The following WDR70 variants were observed in gnomAD, a reference collection of about 807,000 sequenced individuals.
The protein encoded by WDR70 is WD repeat-containing protein 70.
In WDR70, 53 loss-of-function variants were observed where a neutral mutation model predicts 88.6. The observed-to-expected ratio is 0.60, with a 90% CI of 0.48 to 0.75. The LOEUF (loss-of-function observed/expected upper bound fraction) is 0.75, where lower values mean the gene tolerates loss of function less well. WDR70 is among the 30% of genes least tolerant of loss of function. The pLI, the probability that WDR70 is intolerant of heterozygous loss-of-function variation, is 0.00. For synonymous variants in WDR70, 280 were observed against 270.0 expected (o/e 1.04, Z -0.36); for missense variants, 610 against 823.2 (o/e 0.74, Z 3.17).
chr5:37,624,258 G>A (rs1744601876), intron 10 of WDR70, among the ~76,000 whole-genome samples: 1 of 151,948 alleles, frequency 6.6e-6, no homozygotes, highest in South Asian at 2.1e-4. Flanking sequence ...TTACTTCTAT[G>A]AGATCAACTG....
rs553767538 is a variant in WDR70, at chr5:37,386,526, C to T, written c.175+4841C>T. 1.1e-4 allele frequency among the ~76,000 whole-genome samples: 17 copies of T among 152,246 alleles called. No homozygotes were observed. The East Asian group carries it at 3.1e-3, about 28-fold the overall frequency. ...TATTTTTAGTAGAGACAGGGTTTCA[C>T]CATGTTGGCCAGGCTTATCTCAAAC... On this transcript the variant is annotated intron_variant, in intron 3 of 17. Coordinates refer to ENST00000265107, the MANE Select transcript of WDR70 (RefSeq NM_018034.4).
At chr5:37,740,602 G>A (rs1344980245) in intron 17 of WDR70, among the ~76,000 whole-genome samples, 2 of 152,112 alleles carry the variant, frequency 1.3e-5, no homozygotes, top group African/African-American at 4.8e-5. Context: ...AATTCCTTCT[G>A]TGGGCCATAC....
intron 9 of WDR70, among the ~76,000 whole-genome samples, chr5:37,548,255 A>G (rs1368031015): frequency 6.6e-6 from 1 of 152,164 alleles, no homozygotes; most frequent in Non-Finnish European, 1.5e-5. Context: ...ATGAATTTAC[A>G]TTCCCAACAT....
intron 9 of WDR70, among the ~76,000 whole-genome samples, chr5:37,551,378 CT>C (rs955230250): frequency 5.9e-5 from 9 of 151,932 alleles, no homozygotes; most frequent in Admixed American, 4.6e-4. Context: ...AGTCCCCTAG[CT>C]TTTTAACTTT....
chr5:37,545,518 ATTTTGTTTTTGTTTTTGT>A (rs1234982649), intron 9 of WDR70, among the ~76,000 whole-genome samples: 2 of 149,844 alleles, frequency 1.3e-5, no homozygotes, highest in Non-Finnish European at 3.0e-5. Flanking sequence ...TATTTATTTA[ATTTTGTTTTTGTTTTTGT>A]TTTTGTTTTT....
chr5:37,560,350 G>T (rs1742464090), intron 9 of WDR70, among the ~76,000 whole-genome samples: 1 of 151,936 alleles, frequency 6.6e-6, no homozygotes, highest in Non-Finnish European at 1.5e-5. Flanking sequence ...TGACCTGTTG[G>T]TCCATATGTT....
chr5:37,476,037 G>T (rs1739471461), intron 7 of WDR70, among the ~76,000 whole-genome samples: 1 of 151,532 alleles, frequency 6.6e-6, no homozygotes, highest in South Asian at 2.1e-4. Flanking sequence ...TTTTAGTATA[G>T]ATGGGGTGTC....
At chr5:37,684,794 A>G (rs1746532297) in intron 10 of WDR70, among the ~76,000 whole-genome samples, 1 of 152,210 alleles carries the variant, frequency 6.6e-6, no homozygotes, top group South Asian at 2.1e-4. Flanking sequence ...TGCTAACAGC[A>G]ACAGTAGCAG....
At chr5:37,668,537 G>T (rs920204611) in intron 10 of WDR70, among the ~76,000 whole-genome samples, 1 of 152,226 alleles carries the variant, frequency 6.6e-6, no homozygotes, top group South Asian at 2.1e-4. Context: ...TTTATAAGAA[G>T]AGAGATTAAT....
intron 13 of WDR70, among the ~76,000 whole-genome samples, chr5:37,711,781 T>C (rs184329149): frequency 1.3e-5 from 2 of 152,304 alleles, no homozygotes; most frequent in Admixed American, 1.3e-4. Flanking sequence ...ATATTACTAA[T>C]GTTTATTAAT....
chr5:37,624,431 A>T (rs969549755), intron 10 of WDR70, among the ~76,000 whole-genome samples: 1 of 152,048 alleles, frequency 6.6e-6, no homozygotes, highest in Non-Finnish European at 1.5e-5. Context: ...CATTTAATTT[A>T]TCTATTTATT....
intron 5 of WDR70, among the ~76,000 whole-genome samples, chr5:37,415,048 A>G (rs377327665): frequency 0.047 from 7,101 of 151,008 alleles, 186 homozygotes; most frequent in South Asian, 0.073. Flanking sequence ...CCCTTAATCC[A>G]TTTAACCCTG....
At chr5:37,480,047 T>C (rs1739616068) in intron 8 of WDR70, 60 bp downstream of exon 8, 1 of 1,545,184 alleles carries the variant, frequency 6.5e-7, no homozygotes, top group Non-Finnish European at 8.7e-7. Context: ...TAACAACTAT[T>C]TGAGTTATCA....
intron 10 of WDR70, among the ~76,000 whole-genome samples, chr5:37,619,232 A>T (rs988731692): frequency 2.0e-5 from 3 of 151,826 alleles, no homozygotes; most frequent in Admixed American, 2.0e-4. Context: ...TTTTATTATT[A>T]TCTGGTATCA....
intron 8 of WDR70, among the ~76,000 whole-genome samples, chr5:37,482,144 C>T (rs928189140): frequency 6.6e-6 from 1 of 152,094 alleles, no homozygotes; most frequent in African/African-American, 2.4e-5. Context: ...CAAACTTTCC[C>T]ACATTTTCCT....
At chr5:37,423,531 G>T (rs1466207912) in intron 5 of WDR70, among the ~76,000 whole-genome samples, 1 of 147,722 alleles carries the variant, frequency 6.8e-6, no homozygotes, top group African/African-American at 2.5e-5. Flanking sequence ...ATTTGCTGCT[G>T]CTTAGGTTGT....
chr5:37,746,216 C>T (rs1022058423), intron 17 of WDR70, among the ~76,000 whole-genome samples: 2 of 152,128 alleles, frequency 1.3e-5, no homozygotes, highest in Admixed American at 1.3e-4. Flanking sequence ...TAAAGAAGTT[C>T]TTTGAAACCA....
intron 7 of WDR70, among the ~76,000 whole-genome samples, chr5:37,471,224 A>G (rs1739316977): frequency 2.0e-5 from 3 of 152,068 alleles, no homozygotes; most frequent in Admixed American, 1.3e-4. Flanking sequence ...CATTGTACCA[A>G]TCTACCCTCC....
chr5:37,452,671 T>C (rs112917086), intron 7 of WDR70, among the ~76,000 whole-genome samples: 7,368 of 152,308 alleles, frequency 0.048, 576 homozygotes, highest in African/African-American at 0.16. Context: ...GTCACTGATC[T>C]GTATTATTCC....
Sources: gnomAD v4.1 joint callset for allele counts (sites outside exome capture counted in the v4.1 genomes callset) on GRCh38, gnomAD v4.1.1 for gene constraint, MANE v1.5 for transcripts, NCBI Gene and HGNC (gene_info 2026-07-23, HGNC 2026-07-21) for gene names.